BACC1: variants seen among roughly 807,000 people sequenced by gnomAD.
BACC1 encodes the protein BPTF-associated chromatin complex component 1.
At chr17:7,016,465 C>T in the BACC1 span, 2 of 1,604,254 alleles carry the variant, frequency 1.2e-6, no homozygotes, top group Non-Finnish European at 1.7e-6. Flanking sequence ...CTGATGACTC[C>T]TTTCCTAACC....
At chr17:7,016,006 C>T in the BACC1 span, 1 of 694,658 alleles carries the variant, frequency 1.4e-6, no homozygotes, top group Non-Finnish European at 2.4e-6. Context: ...TTTAGAATCC[C>T]CTTGAGGACT....
the BACC1 span, chr17:7,015,640 C>T: frequency 4.6e-6 from 6 of 1,306,426 alleles, no homozygotes; most frequent in Non-Finnish European, 6.3e-6. Context: ...TTACGGAGGA[C>T]CTCTTTATGC....
At chr17:7,017,234 G>A in the BACC1 span, 1 of 1,614,082 alleles carries the variant, frequency 6.2e-7, no homozygotes. Flanking sequence ...CTCCATCTCG[G>A]CCCATTTTAC....
At chr17:7,016,482 C>G in the BACC1 span, 50 of 1,611,220 alleles carry the variant, frequency 3.1e-5, 2 homozygotes, top group South Asian at 5.1e-4. Flanking sequence ...AACCTCTTCT[C>G]TCTTTTCTTC....
At chr17:7,014,981 C>T in the BACC1 span, 4 of 1,411,396 alleles carry the variant, frequency 2.8e-6, no homozygotes, top group Non-Finnish European at 3.7e-6. The surrounding 1 kb of genome is among the most constrained non-coding windows in gnomAD (Gnocchi z 4.5). Flanking sequence ...GGGCGGGAGC[C>T]GAGCCTGGGG....
At chr17:7,017,281 T>G in the BACC1 span, 2 of 1,614,102 alleles carry the variant, frequency 1.2e-6, no homozygotes, top group South Asian at 1.1e-5. Context: ...GATTCTGGCC[T>G]TCTCATGACC....
the BACC1 span, chr17:7,015,206 T>A: frequency 6.6e-7 from 1 of 1,518,174 alleles, no homozygotes; most frequent in Non-Finnish European, 8.8e-7. Flanking sequence ...GCGCTTGGAC[T>A]CGGTCACAGA....
the BACC1 span, chr17:7,017,448 A>G: frequency 1.2e-6 from 1 of 854,198 alleles, no homozygotes; most frequent in South Asian, 1.4e-5. Flanking sequence ...CCGCATAAGC[A>G]TCTGCCCCCA....
chr17:7,014,935 A>G, the BACC1 span: 1 of 1,482,360 alleles, frequency 6.7e-7, no homozygotes, highest in African/African-American at 1.5e-5. This position sits in a 1 kb window ranked among gnomAD's most constrained non-coding sequence, Gnocchi z 4.5. Flanking sequence ...CGGGCCCCCC[A>G]CTTGGCTCGC....
the BACC1 span, chr17:7,015,751 T>TC: frequency 2.5e-6 from 4 of 1,603,448 alleles, no homozygotes; most frequent in African/African-American, 2.7e-5. Flanking sequence ...ATTTTTGCTA[T>TC]CCCCCCTCTC....
chr17:7,015,006 C>G, the BACC1 span: 1 of 1,424,784 alleles, frequency 7.0e-7, no homozygotes, highest in South Asian at 1.4e-5. Flanking sequence ...GCTAGGGGCT[C>G]CGGGCGGGAC....
chr17:7,015,559 A>G, the BACC1 span: 6 of 1,421,682 alleles, frequency 4.2e-6, no homozygotes, highest in Admixed American at 5.8e-5. Flanking sequence ...TCTAAGGTGG[A>G]GGTGGTTGTG....
the BACC1 span, chr17:7,016,697 G>A: frequency 6.2e-7 from 1 of 1,604,232 alleles, no homozygotes. Flanking sequence ...TGAGGGCTGT[G>A]GAGTTGCTGC....
chr17:7,015,987 C>G, the BACC1 span: 1 of 854,414 alleles, frequency 1.2e-6, no homozygotes, highest in Non-Finnish European at 1.8e-6. Context: ...CCTACTTTGT[C>G]ACTAGTTTTT....
chr17:7,016,160 AC>A, the BACC1 span: 1 of 515,032 alleles, frequency 1.9e-6, no homozygotes, highest in African/African-American at 1.9e-5. Flanking sequence ...ATGTTTGAGG[AC>A]CCCACTGCAG....
chr17:7,017,453 C>T, the BACC1 span: 1 of 821,900 alleles, frequency 1.2e-6, no homozygotes. Flanking sequence ...TAAGCATCTG[C>T]CCCCAACCCC....
At chr17:7,017,192 G>A in the BACC1 span, 2 of 1,608,622 alleles carry the variant, frequency 1.2e-6, no homozygotes, top group Non-Finnish European at 1.7e-6. Flanking sequence ...TCAGGGAGGT[G>A]GGAGTGGCCT....
chr17:7,016,753 C>A, the BACC1 span: 1 of 1,555,954 alleles, frequency 6.4e-7, no homozygotes, highest in Non-Finnish European at 8.7e-7. Flanking sequence ...AGAATTGGGC[C>A]TGGGTCAAAG....
chr17:7,016,525 G>A, the BACC1 span: 1 of 1,613,908 alleles, frequency 6.2e-7, no homozygotes, highest in Non-Finnish European at 8.5e-7. Context: ...TGAAACGCAA[G>A]GTATATGAAG....
Sources: gnomAD v4.1 joint callset for allele counts on GRCh38, gnomAD v4.1.1 for gene constraint, Gnocchi (gnomAD v3.1) non-coding constraint, MANE v1.5 for transcripts, NCBI Gene and HGNC (gene_info 2026-07-23, HGNC 2026-07-21) for gene names.